KAT8: variants seen among roughly 807,000 people sequenced by gnomAD.
KAT8 encodes the protein lysine acetyltransferase 8, also known as histone acetyltransferase KAT8.
In KAT8, 40 loss-of-function variants were observed where a neutral mutation model predicts 62.9. The observed-to-expected ratio is 0.64, with a 90% CI of 0.49 to 0.83. The LOEUF is 0.83. Ranked by LOEUF, KAT8 falls within the 40% of genes least tolerant of loss-of-function variation. The pLI is 0.00. For synonymous variants in KAT8, 278 were observed against 254.5 expected, an observed-to-expected ratio of 1.09 and a Z score of -0.88; for missense variants, 387 against 614.8, an observed-to-expected ratio of 0.63 and a Z score of 3.92.
chr16:31,124,676 G>T (rs1468340802), intron 3 of KAT8, among the ~76,000 whole-genome samples: 2 of 146,482 alleles, frequency 1.4e-5, no homozygotes, highest in Non-Finnish European at 3.0e-5. Flanking sequence ...AGGTTGCAGT[G>T]ACGTGAGATT....
intron 1 of KAT8, among the ~76,000 whole-genome samples, chr16:31,118,915 G>T (rs112111294): frequency 2.3e-5 from 3 of 129,562 alleles, no homozygotes; most frequent in African/African-American, 9.0e-5. Flanking sequence ...ACAGGATCTC[G>T]CTCTGTCACC....
chr16:31,120,436 C>T lies in KAT8; in HGVS notation c.384C>T (p.Ser128=), dbSNP rs202036451. 50 of 1,613,934 alleles carry T rather than the reference C, an allele frequency of 3.1e-5. No homozygotes were observed. Among genetic ancestry groups the T allele is most frequent in the Admixed American group, 1.0e-4 (6 of 60,008 alleles). The change falls in exon 3 of 11, where the codon AGC becomes AGT. Residue 128 remains serine, a synonymous_variant. Transcript: ENST00000219797. ...AVQKNSEKYL[S]ELAEQPERKI... ...AGAAGAACTCAGAGAAGTACCTGAGCGAGCTCGCAGAGCAGCCTGAGCGCA... is the reference window on the plus strand; with the variant it reads ...AGAAGAACTCAGAGAAGTACCTGAGTGAGCTCGCAGAGCAGCCTGAGCGCA...
intron 1 of KAT8, chr16:31,118,339 A>T (rs2057466516): frequency 6.4e-6 from 1 of 155,716 alleles, no homozygotes; most frequent in Non-Finnish European, 1.4e-5. Context: ...AATTAACCCC[A>T]AACTCCTTAG....
At chr16:31,121,373 G>A (rs894886202) in intron 3 of KAT8, among the ~76,000 whole-genome samples, 12 of 151,978 alleles carry the variant, frequency 7.9e-5, no homozygotes, top group Non-Finnish European at 1.0e-4. Context: ...TGCCCACCTC[G>A]GCCTCCCAAA....
intron 10 of KAT8, 60 bp downstream of exon 10, chr16:31,130,960 A>G (rs1057042091): frequency 1.3e-6 from 2 of 1,574,434 alleles, no homozygotes; most frequent in Non-Finnish European, 1.7e-6. Context: ...ATGGACTGGT[A>G]GGAGTCAAGG....
At position 31,127,091 on chromosome 16, in the gene KAT8, A is replaced by C. The variant is rs1479820963; in HGVS notation, c.516+3A>C. 1 of 1,614,004 alleles carries C rather than the reference A, an allele frequency of 6.2e-7. No individual in the cohort carries two copies. The highest frequency in any genetic ancestry group is 8.5e-7 in the Non-Finnish European group (1 of 1,179,982). Reference sequence around the variant, plus strand: ...CCTTGGAGAAGGAGCATGAGGCGGTAAGTGGGGCTGGGAAGCTGCCTGCAG... The same window carrying C: ...CCTTGGAGAAGGAGCATGAGGCGGTCAGTGGGGCTGGGAAGCTGCCTGCAG... On this transcript the variant is annotated splice_donor_region_variant and intron_variant, in intron 4 of 10. Coordinates refer to ENST00000219797, the MANE Select transcript of KAT8 (RefSeq NM_032188.3).
chr16:31,130,835 G>T lies in KAT8; in HGVS notation c.1247G>T (p.Cys416Phe). 1 of 1,613,804 alleles carries T rather than the reference G, an allele frequency of 6.2e-7. No individual in the cohort carries two copies. The highest frequency in any genetic ancestry group is 8.5e-7 in the Non-Finnish European group (1 of 1,179,982). The change falls in exon 10 of 11, where the codon TGT becomes TTT. Residue 416 changes from cysteine to phenylalanine, a missense_variant. Cys to Phe is a radical substitution (Grantham distance 205, BLOSUM62 -2). Transcript: ENST00000219797. ...VKYWKGQHVI[C>F]VTPKLVEEHL... ...TACTGGAAGGGCCAGCACGTGATCTGTGTCACACCCAAGCTGGTGGAGGAG... is the reference window on the plus strand; with the variant it reads ...TACTGGAAGGGCCAGCACGTGATCTTTGTCACACCCAAGCTGGTGGAGGAG...
In KAT8 at chr16:31,117,672, C is replaced by T; in HGVS notation, c.-10C>T. 1.4e-6 allele frequency: 2 copies of T among 1,387,738 alleles called. No individual in the cohort carries two copies. The highest frequency in any genetic ancestry group is 1.9e-6 in the Non-Finnish European group (2 of 1,066,246). The allele number at this position is 1,387,738 out of a possible 1,614,324, so 86.0% of individuals were successfully genotyped here. A position where few individuals can be genotyped will look rare whatever the true frequency, so the allele number is the denominator to read the frequency against. ...TGGCGTCCGATTCTGGCGTCACTTCCCTTCCCGCGATGGCGGCACAGGGAG... is the reference window on the plus strand; with the variant it reads ...TGGCGTCCGATTCTGGCGTCACTTCTCTTCCCGCGATGGCGGCACAGGGAG... On this transcript the variant is annotated 5_prime_UTR_variant, in exon 1 of 11. Transcript: ENST00000219797.
At chr16:31,120,096 C>G in intron 1 of KAT8, 90 bp from the exon 2 acceptor site, 1 of 1,025,268 alleles carries the variant, frequency 9.8e-7, no homozygotes, top group Non-Finnish European at 1.5e-6. Context: ...TGATGTGTGG[C>G]CCTGAACTCT....
Position 31,120,321 on chromosome 16 carries a change from T to C in KAT8, c.287-18T>C, listed in dbSNP as rs778442832. 3.1e-6 allele frequency: 5 copies of C among 1,614,140 alleles called. No homozygotes were observed. The East Asian group carries it at 1.1e-4, about 36-fold the overall frequency. ...GAGTTGGCTGCCCTGGCAGCACTCT[T>C]ATGGCCCATACTTACAGTTAACCGG... On this transcript the variant is annotated intron_variant, in intron 2 of 10. Transcript: ENST00000219797.
At chr16:31,131,058 C>T in intron 10 of KAT8, 137 bp from the exon 11 acceptor site, 1 of 1,505,232 alleles carries the variant, frequency 6.6e-7, no homozygotes, top group Non-Finnish European at 8.9e-7. Context: ...CTGGGCTTCC[C>T]TACCCCTCCC....
In KAT8 at chr16:31,120,632, T is replaced by C; in HGVS notation, c.462+118T>C. The C allele has an allele frequency of 4.3e-6, 4 of 935,474 alleles. No individual in the cohort carries two copies. In the South Asian group the frequency reaches 5.2e-5, roughly 12 times the overall value. The allele number at this position is 935,474 out of a possible 1,614,324, so 57.9% of individuals were successfully genotyped here. Reference sequence around the variant, plus strand: ...AATCCCATTTCTTAAGCTCCTGTAGTGTGTCAGGGACTTTACCTACTTCCT... The same window carrying C: ...AATCCCATTTCTTAAGCTCCTGTAGCGTGTCAGGGACTTTACCTACTTCCT... On this transcript the variant is annotated intron_variant, in intron 3 of 10. Transcript: ENST00000219797.
At chr16:31,128,591 GC>G (rs1555503824) in intron 6 of KAT8, among the ~76,000 whole-genome samples, 1 of 152,130 alleles carries the variant, frequency 6.6e-6, no homozygotes, top group Non-Finnish European at 1.5e-5. Flanking sequence ...CTGGCACTAG[GC>G]CTGTAGTTGG....
intron 3 of KAT8, among the ~76,000 whole-genome samples, chr16:31,121,752 ATTG>A (rs1480267306): frequency 6.6e-6 from 1 of 151,216 alleles, no homozygotes; most frequent in African/African-American, 2.4e-5. Flanking sequence ...TGTACATATT[ATTG>A]TTATTTTTTT....
rs550764125 is a variant in KAT8 at position 31,122,764 on chromosome 16, C to G, written c.462+2250C>G. Among the ~76,000 whole-genome samples, 12 of 151,780 alleles carry G rather than the reference C, an allele frequency of 7.9e-5. No individual in the cohort carries two copies. The East Asian group carries it at 2.1e-3, about 27-fold the overall frequency. On this transcript the variant is annotated intron_variant, in intron 3 of 10. Transcript: ENST00000219797. ...GGCGTGGTGGCGTGCACCTGTAGTC[C>G]CAGCTACTCGGGAGGCTGAGGTAGG...
chr16:31,117,734 C>G lies in KAT8; in HGVS notation c.53C>G (p.Ala18Gly). ...GTTGCGGCGGGGACTTCAGGGGTCG[C>G]GGGGGAGGGCGAGCCCGGGCCCGGG... is the stretch of plus-strand genomic sequence containing the variant. ...AAVAAGTSGVAGEGEPGPGEN... is the reference protein window; with the variant it reads ...AAVAAGTSGVGGEGEPGPGEN... Residue 18 changes from alanine to glycine, a missense_variant, in exon 1 of 11, where the codon GCG becomes GGG. Around this residue, in one of 6 missense-constraint regions of KAT8, gnomAD observed 92 missense variants for 78.8 expected, o/e 1.17. Transcript: ENST00000219797. 1 of 1,371,074 alleles carries G rather than the reference C, an allele frequency of 7.3e-7. No individual in the cohort carries two copies. Among genetic ancestry groups the G allele is most frequent in the Non-Finnish European group, 9.5e-7 (1 of 1,055,162 alleles). The allele number at this position is 1,371,074 out of a possible 1,614,324, so 84.9% of individuals were successfully genotyped here.
Position 31,117,874 on chromosome 16 carries a change from C to T in KAT8, c.193C>T (p.Arg65Ter), listed in dbSNP as rs2057460508. The stretch of plus-strand genomic sequence containing the variant: ...GATCGGAGAAACGTACCTGTGCCGG[C>T]GACCGGATAGCACCTGGCGTGAGGG... ...VEIGETYLCR[R>*]PDSTWHSAEV... The change falls in exon 1 of 11, where the codon CGA (arginine) becomes TGA (stop). Residue 65 changes from arginine to a stop codon, truncating the protein, a stop_gained. Coordinates refer to ENST00000219797, the MANE Select transcript of KAT8 (RefSeq NM_032188.3). LOFTEE classifies it high-confidence loss of function. The T allele has an allele frequency of 7.1e-7, 1 of 1,399,014 alleles. No homozygotes were observed. The highest frequency in any genetic ancestry group is 9.4e-7 in the Non-Finnish European group (1 of 1,066,138). 86.7% of individuals were successfully genotyped at this position (1,399,014 alleles called of 1,614,324 possible).
At chr16:31,128,189 TC>T in intron 6 of KAT8, 50 bp downstream of exon 6, 1 of 1,363,596 alleles carries the variant, frequency 7.3e-7, no homozygotes, top group Non-Finnish European at 1.0e-6. Flanking sequence ...CCTGGGCACC[TC>T]CCAGATGATC....
intron 1 of KAT8, among the ~76,000 whole-genome samples, chr16:31,119,361 G>T (rs1291689172): frequency 6.6e-6 from 1 of 152,086 alleles, no homozygotes; most frequent in Non-Finnish European, 1.5e-5. Flanking sequence ...TGTTGGCCAG[G>T]ATGGTTTTGA....
Sources: gnomAD v4.1 joint callset for allele counts (sites outside exome capture counted in the v4.1 genomes callset) on GRCh38, gnomAD v4.1.1 for gene constraint, gnomAD v4.1.1 regional missense constraint, MANE v1.5 for transcripts, NCBI Gene and HGNC (gene_info 2026-07-23, HGNC 2026-07-21) for gene names.